Variants in ASIC4 observed in about 807,000 individuals in gnomAD.
ASIC4 encodes acid-sensing ion channel 4.
Under a neutral mutation model 53.4 loss-of-function variants are expected in ASIC4, and 28 were observed. The observed-to-expected ratio is 0.52, with a 90% confidence interval of 0.39 to 0.72. ASIC4 has a LOEUF of 0.72. Among genes scored for constraint, ASIC4 ranks in the 30% least tolerant of loss-of-function variants. The pLI is 0.00. For missense variants in ASIC4, 649 were observed against 729.7 expected, an observed-to-expected ratio of 0.89 and a Z score of 1.27; for synonymous variants, 289 against 301.4, an observed-to-expected ratio of 0.96 and a Z score of 0.43.
At chr2:219,521,576 C>T (rs922838784) in intron 1 of ASIC4, among the ~76,000 whole-genome samples, 1 of 152,196 alleles carries the variant, frequency 6.6e-6, no homozygotes, top group Non-Finnish European at 1.5e-5. Context: ...CATTGGAATG[C>T]CAAGACCCAA....
In ASIC4 at chr2:219,516,159, A is replaced by ATGCACACG. The variant is rs1419054560; in HGVS notation, c.582+860_582+861insGTGCACAC. On this transcript the variant is annotated intron_variant, in intron 1 of 9. Transcript: ENST00000358078. The surrounding 1 kb of genome is among the most constrained non-coding windows in gnomAD (Gnocchi z 4.9). ...TCACTGTCCCTGTCACTACACTCAC[A>ATGCACACG]TGCACACCTGCACACCCACACCCAG... is the stretch of plus-strand genomic sequence containing the variant. 6.6e-6 allele frequency among the ~76,000 whole-genome samples: 1 copy of ATGCACACG among 152,062 alleles called. No homozygotes were observed. The highest frequency in any genetic ancestry group is 1.5e-5 in the Non-Finnish European group (1 of 68,004).
chr2:219,534,931 CA>C (rs1225573984), intron 5 of ASIC4, among the ~76,000 whole-genome samples: 1 of 152,188 alleles, frequency 6.6e-6, no homozygotes, highest in Non-Finnish European at 1.5e-5. Flanking sequence ...CCCCCAGTCC[CA>C]GGGGGTTGGG....
chr2:219,530,326 T>C (rs1319258235), intron 1 of ASIC4, among the ~76,000 whole-genome samples: 2 of 152,268 alleles, frequency 1.3e-5, no homozygotes, highest in Admixed American at 1.3e-4. Context: ...AGCCTGGGCT[T>C]CCATCTCCGG....
intron 4 of ASIC4, 99 bp downstream of exon 4, chr2:219,532,576 A>G (rs1253293931): frequency 9.7e-6 from 14 of 1,441,164 alleles, no homozygotes; most frequent in Admixed American, 2.0e-5. Context: ...AGGTGCATGT[A>G]TACAACATGT....
At chr2:219,522,745 C>G (rs3770230) in intron 1 of ASIC4, among the ~76,000 whole-genome samples, 68,918 of 151,860 alleles carry the variant, frequency 0.45, 15,876 homozygotes, top group South Asian at 0.6. Flanking sequence ...CCCCGGCCGC[C>G]GCGGGGGCGG....
In ASIC4 at chr2:219,536,319, G is replaced by A. The variant is rs1472179288; in HGVS notation, c.1230-747G>A. On this transcript the variant is annotated intron_variant, in intron 6 of 9. Coordinates refer to ENST00000358078, the MANE Select transcript of ASIC4 (RefSeq NM_018674.6). This position sits in a 1 kb window ranked among gnomAD's most constrained non-coding sequence, Gnocchi z 4.6. ...AGTACCCTGCAGGGGGAGGCAGGAG[G>A]GACCGCCCTGAGGCTTGGGTCTGGT... Among the ~76,000 whole-genome samples, 2 of 152,268 alleles carry A rather than the reference G, an allele frequency of 1.3e-5. No individual in the cohort carries two copies. Among genetic ancestry groups the A allele is most frequent in the Non-Finnish European group, 2.9e-5 (2 of 68,052 alleles).
chr2:219,507,391 G>A, the ASIC4 span, among the ~76,000 whole-genome samples: 3 of 152,228 alleles, frequency 2.0e-5, no homozygotes, highest in Admixed American at 1.3e-4. Flanking sequence ...GCCCAGCCCT[G>A]GCCGGTTTTC....
chr2:219,520,727 G>C (rs573336807), intron 1 of ASIC4, among the ~76,000 whole-genome samples: 1 of 152,218 alleles, frequency 6.6e-6, no homozygotes, highest in African/African-American at 2.4e-5. Context: ...CCTGAGGCAT[G>C]AGCCTTAAGC....
chr2:219,532,478 G>A lies in ASIC4; in HGVS notation c.1018+1G>A. 6.2e-7 allele frequency: 1 copy of A among 1,607,270 alleles called. No individual in the cohort carries two copies. On this transcript the variant is annotated splice_donor_variant, in intron 4 of 9. Transcript: ENST00000358078. LOFTEE classifies it high-confidence loss of function. ...CACTGCCGGATGGTGCACATGCCAG[G>A]TGGGCACCCCACCCCCAGCCAGCCC...
upstream of ASIC4, among the ~76,000 whole-genome samples, chr2:219,513,854 C>A (rs548447983): frequency 6.6e-6 from 1 of 152,362 alleles, no homozygotes; most frequent in African/African-American, 2.4e-5. Context: ...AAGTCTGGAG[C>A]AAAGCTCCAG....
Position 219,537,763 on chromosome 2 carries a change from G to A in ASIC4, c.1506+27G>A, listed in dbSNP as rs1441836990. 1 of 1,597,434 alleles carries A rather than the reference G, an allele frequency of 6.3e-7. No individual in the cohort carries two copies. The highest frequency in any genetic ancestry group is 8.6e-7 in the Non-Finnish European group (1 of 1,169,536). Reference sequence around the variant, plus strand: ...TGAGGACAAGCTCTAAATGCCTGCAGCATGCAGCCACACCTCCCCAGGACT... The same window carrying A: ...TGAGGACAAGCTCTAAATGCCTGCAACATGCAGCCACACCTCCCCAGGACT... On this transcript the variant is annotated intron_variant, in intron 9 of 9. Transcript: ENST00000358078. The surrounding 1 kb of genome is among the most constrained non-coding windows in gnomAD (Gnocchi z 4.9).
At position 219,537,683 on chromosome 2, in the gene ASIC4, C is replaced by T. The variant is rs201710180; in HGVS notation, c.1453C>T (p.Arg485Trp). ...RVWRRPKTPL[R>W]TSTGGISTLG... ...ATGGAGGCGTCCCAAGACCCCCCTGCGGACCTCCACTGGGGGCATCTCCAC... is the reference window on the plus strand; with the variant it reads ...ATGGAGGCGTCCCAAGACCCCCCTGTGGACCTCCACTGGGGGCATCTCCAC... The change falls in exon 9 of 10, where the codon CGG becomes TGG. Residue 485 changes from arginine to tryptophan, a missense_variant. Arg to Trp is a moderately radical substitution (Grantham distance 101). Transcript: ENST00000358078. This position sits in a 1 kb window ranked among gnomAD's most constrained non-coding sequence, Gnocchi z 4.9. The T allele has an allele frequency of 1.1e-4, 182 of 1,613,912 alleles. 1 individual carries two copies. Among genetic ancestry groups the T allele is most frequent in the Admixed American group, 2.2e-4 (13 of 59,980 alleles).
rs753832928 is a variant in ASIC4 at position 219,514,720 on chromosome 2, G to C, written c.-5G>C. Reference sequence around the variant, plus strand: ...GCTCTGGCCAGTCCCAGCAGCCGGGGACAGATGCCGATCGAGATTGTGTGC... The same window carrying C: ...GCTCTGGCCAGTCCCAGCAGCCGGGCACAGATGCCGATCGAGATTGTGTGC... On this transcript the variant is annotated 5_prime_UTR_variant, in exon 1 of 10. Transcript: ENST00000358078. 1 of 1,613,664 alleles carries C rather than the reference G, an allele frequency of 6.2e-7. No individual in the cohort carries two copies. Among genetic ancestry groups the C allele is most frequent in the Non-Finnish European group, 8.5e-7 (1 of 1,180,004 alleles).
chr2:219,530,340 G>C (rs769659465), intron 1 of ASIC4, among the ~76,000 whole-genome samples: 3 of 152,256 alleles, frequency 2.0e-5, no homozygotes, highest in East Asian at 1.9e-4. Context: ...TCTCCGGGGC[G>C]CCAGCGCCAT....
At chr2:219,535,061 G>T in intron 5 of ASIC4, 110 bp from the exon 6 acceptor site, 1 of 1,464,592 alleles carries the variant, frequency 6.8e-7, no homozygotes. Context: ...AAGGCCCTCA[G>T]TGTGGGTGTG....
chr2:219,538,228 C>T lies in ASIC4; in HGVS notation c.*182C>T, dbSNP rs1077661. ...TTTGCACAAAGGTCCTTCTTGTCCA[C>T]ACCCCTTATCCCCAGGCTGGTGCCC... On this transcript the variant is annotated 3_prime_UTR_variant, in exon 10 of 10. Transcript: ENST00000358078. 3,474 of 614,714 alleles carry T rather than the reference C, an allele frequency of 5.7e-3. 26 individuals are homozygous for T. Among genetic ancestry groups the T allele is most frequent in the Non-Finnish European group, 8.1e-3 (2,802 of 346,612 alleles). 38.1% of individuals were successfully genotyped at this position (614,714 alleles called of 1,614,324 possible).
intron 1 of ASIC4, 85 bp downstream of exon 1, chr2:219,515,391 C>A: frequency 6.8e-7 from 1 of 1,478,588 alleles, no homozygotes; most frequent in African/African-American, 1.4e-5. Context: ...TGTACAGGGG[C>A]ATCCTCAACA....
chr2:219,527,015 G>T (rs1694971622), intron 1 of ASIC4, among the ~76,000 whole-genome samples: 1 of 152,184 alleles, frequency 6.6e-6, no homozygotes, highest in African/African-American at 2.4e-5. Flanking sequence ...CCCTTTCCGT[G>T]ACCGGACCCT....
chr2:219,534,764 G>GCCAT (rs56026817), intron 5 of ASIC4, among the ~76,000 whole-genome samples: 5,160 of 151,056 alleles, frequency 0.034, 247 homozygotes, highest in African/African-American at 0.11. Context: ...CTGGCCATCT[G>GCCAT]CCATCCATCC....
Sources: gnomAD v4.1 joint callset for allele counts (sites outside exome capture counted in the v4.1 genomes callset) on GRCh38, gnomAD v4.1.1 for gene constraint, Gnocchi (gnomAD v3.1) non-coding constraint, MANE v1.5 for transcripts, NCBI Gene and HGNC (gene_info 2026-07-23, HGNC 2026-07-21) for gene names.